AGBL4: variants seen among roughly 807,000 people sequenced by gnomAD.
AGBL4 encodes cytosolic carboxypeptidase 6.
In AGBL4, 58 loss-of-function variants were observed where a neutral mutation model predicts 66.4. That is an observed-to-expected ratio of 0.87 (90% CI 0.71 to 1.09). AGBL4 has a LOEUF of 1.09. Among genes scored for constraint, AGBL4 ranks in the 50% least tolerant of loss-of-function variants. The pLI, the probability that AGBL4 is intolerant of heterozygous loss-of-function variation, is 0.00. For missense variants in AGBL4, 579 were observed against 631.0 expected, an observed-to-expected ratio of 0.92 and a Z score of 0.88; for synonymous variants, 234 against 222.9, an observed-to-expected ratio of 1.05 and a Z score of -0.44.
At chr1:49,442,361 T>G (rs943254033) in intron 3 of AGBL4, among the ~76,000 whole-genome samples, 11 of 152,220 alleles carry the variant, frequency 7.2e-5, no homozygotes, top group African/African-American at 1.2e-4. Context: ...GGGAATGCCC[T>G]GTGCAAAAAC....
intron 3 of AGBL4, among the ~76,000 whole-genome samples, chr1:49,438,636 T>C (rs959688796): frequency 6.6e-6 from 1 of 152,206 alleles, no homozygotes; most frequent in African/African-American, 2.4e-5. Context: ...TGCTTATTAA[T>C]TAAACAACAG....
chr1:49,860,858 T>C (rs559451302), intron 1 of AGBL4, among the ~76,000 whole-genome samples: 2 of 151,706 alleles, frequency 1.3e-5, no homozygotes, highest in African/African-American at 4.8e-5. Context: ...AGATGAGCAC[T>C]GACAGTACCT....
chr1:49,707,086 T>C (rs1647261615), intron 2 of AGBL4, among the ~76,000 whole-genome samples: 1 of 152,110 alleles, frequency 6.6e-6, no homozygotes, highest in South Asian at 2.1e-4. Flanking sequence ...TGAGTTCAAG[T>C]CTTGAATATC....
At chr1:48,789,039 C>T (rs2148727172) in intron 6 of AGBL4, among the ~76,000 whole-genome samples, 2 of 152,262 alleles carry the variant, frequency 1.3e-5, no homozygotes, top group African/African-American at 4.8e-5. Flanking sequence ...TGATAATAAA[C>T]TTGGAAAGTG....
At chr1:49,637,783 C>T (rs1645706555) in intron 3 of AGBL4, among the ~76,000 whole-genome samples, 1 of 151,938 alleles carries the variant, frequency 6.6e-6, no homozygotes, top group African/African-American at 2.4e-5. Flanking sequence ...GTAGACTTGA[C>T]TACATAAAAG....
chr1:49,309,201 C>T (rs1011711048), intron 3 of AGBL4, among the ~76,000 whole-genome samples: 1 of 152,086 alleles, frequency 6.6e-6, no homozygotes, highest in African/African-American at 2.4e-5. Context: ...AAATTAATTT[C>T]ATTGCTATAT....
chr1:49,466,652 T>G (rs865776205), intron 3 of AGBL4, among the ~76,000 whole-genome samples: 9 of 151,914 alleles, frequency 5.9e-5, no homozygotes, highest in Middle Eastern at 3.4e-3. Context: ...TTATTCTCCT[T>G]CTATTAATTA....
At position 49,129,987 on chromosome 1, in the gene AGBL4, C is replaced by T. The variant is rs184344888; in HGVS notation, c.378-84187G>A. Among the ~76,000 whole-genome samples, 886 of 152,274 alleles carry T rather than the reference C, an allele frequency of 5.8e-3. 6 individuals carry two copies. Among genetic ancestry groups the T allele is most frequent in the Non-Finnish European group, 8.8e-3 (597 of 68,032 alleles). ...CTCTCCAGCACCTGTTGTTTCCTGA[C>T]TTTTTAATGATCACCTTTCTAACTG... On this transcript the variant is annotated intron_variant, in intron 4 of 13. Transcript: ENST00000371839.
In AGBL4 at chr1:48,750,566, T is replaced by C. The variant is rs117798605; in HGVS notation, c.635-87325A>G. ...AGTAAAGCTCACCCTGCATCCCAAC[T>C]GTCTGCTGTTGAGACTGTGACTTCT... On this transcript the variant is annotated intron_variant, in intron 6 of 13. Transcript: ENST00000371839. Among the ~76,000 whole-genome samples, 67 of 152,330 alleles carry C rather than the reference T, an allele frequency of 4.4e-4. 1 individual carries two copies. The East Asian group carries it at 0.013, about 29-fold the overall frequency.
intron 3 of AGBL4, among the ~76,000 whole-genome samples, chr1:49,268,710 T>C (rs776718291): frequency 6.6e-6 from 1 of 152,192 alleles, no homozygotes; most frequent in Non-Finnish European, 1.5e-5. Context: ...TCTATTGGCT[T>C]TTGTTATCAT....
chr1:48,594,825 A>G (rs1644971089), intron 9 of AGBL4, among the ~76,000 whole-genome samples: 1 of 152,086 alleles, frequency 6.6e-6, no homozygotes, highest in South Asian at 2.1e-4. Flanking sequence ...GTGGGCAATG[A>G]CAATAACTTC....
At chr1:49,315,085 G>C (rs935917535) in intron 3 of AGBL4, among the ~76,000 whole-genome samples, 1 of 150,764 alleles carries the variant, frequency 6.6e-6, no homozygotes, top group Non-Finnish European at 1.5e-5. Flanking sequence ...ACAGAACAGA[G>C]GCCTCAGAAA....
chr1:49,961,589 T>C (rs1390158453), intron 1 of AGBL4, among the ~76,000 whole-genome samples: 1 of 152,164 alleles, frequency 6.6e-6, no homozygotes, highest in Admixed American at 6.6e-5. Flanking sequence ...CTGCTTCTAC[T>C]ATGACTGTTA....
chr1:49,918,613 A>C (rs902379362), intron 1 of AGBL4, among the ~76,000 whole-genome samples: 1 of 152,190 alleles, frequency 6.6e-6, no homozygotes, highest in Non-Finnish European at 1.5e-5. Context: ...CAACCAAAAA[A>C]AGTCCAGGAC....
intron 3 of AGBL4, among the ~76,000 whole-genome samples, chr1:49,297,670 G>T (rs1484749587): frequency 6.6e-6 from 1 of 152,156 alleles, no homozygotes; most frequent in Non-Finnish European, 1.5e-5. Flanking sequence ...AACTGAAAAA[G>T]CATAAAACAG....
intron 2 of AGBL4, among the ~76,000 whole-genome samples, chr1:49,717,548 AT>A (rs1648244403): frequency 6.6e-6 from 1 of 152,008 alleles, no homozygotes; most frequent in African/African-American, 2.4e-5. Context: ...ATATTAAATA[AT>A]GCCAAATACC....
At chr1:49,300,599 A>G (rs1644727303) in intron 3 of AGBL4, among the ~76,000 whole-genome samples, 1 of 152,184 alleles carries the variant, frequency 6.6e-6, no homozygotes, top group Non-Finnish European at 1.5e-5. Flanking sequence ...TGATTTCTCA[A>G]GAACACAAAT....
At chr1:49,316,698 A>T (rs1645044769) in intron 3 of AGBL4, among the ~76,000 whole-genome samples, 1 of 151,960 alleles carries the variant, frequency 6.6e-6, no homozygotes, top group African/African-American at 2.4e-5. Flanking sequence ...ATAAAATGGA[A>T]GAACTTGGAG....
intron 4 of AGBL4, among the ~76,000 whole-genome samples, chr1:49,199,199 G>A (rs992279116): frequency 6.6e-6 from 1 of 152,144 alleles, no homozygotes; most frequent in Admixed American, 6.5e-5. Context: ...ATGCAGAGAG[G>A]TTACACAACT....
Sources: gnomAD v4.1 joint callset for allele counts (sites outside exome capture counted in the v4.1 genomes callset) on GRCh38, gnomAD v4.1.1 for gene constraint, MANE v1.5 for transcripts, NCBI Gene and HGNC (gene_info 2026-07-23, HGNC 2026-07-21) for gene names.